FNIP1: variants seen among roughly 807,000 people sequenced by gnomAD.
FNIP1 encodes folliculin interacting protein 1.
FNIP1 carries 40 observed loss-of-function variants against 124.5 expected under a neutral mutation model. The observed-to-expected ratio is 0.32, with a 90% CI of 0.25 to 0.42. The LOEUF is 0.42. Among genes scored for constraint, FNIP1 ranks in the 10% least tolerant of loss-of-function variants. FNIP1 has a pLI of 1.00. For missense variants in FNIP1, 1,176 were observed against 1,403.7 expected (o/e 0.84, Z 2.59); for synonymous variants, 472 against 470.6 (o/e 1.00, Z -0.04).
At chr5:131,690,941 A>C (rs767690622) in intron 11 of FNIP1, among the ~76,000 whole-genome samples, 20 of 152,216 alleles carry the variant, frequency 1.3e-4, no homozygotes, top group Admixed American at 3.3e-4. Context: ...TCAGTAAATG[A>C]CGTATCCATC....
intron 11 of FNIP1, among the ~76,000 whole-genome samples, chr5:131,698,080 A>C (rs1204798517): frequency 6.6e-6 from 1 of 152,092 alleles, no homozygotes; most frequent in African/African-American, 2.4e-5. Context: ...TCCTTATAAC[A>C]ATCTATTAGA....
intron 6 of FNIP1, among the ~76,000 whole-genome samples, chr5:131,711,532 C>A (rs1333390742): frequency 6.6e-6 from 1 of 152,204 alleles, no homozygotes; most frequent in Non-Finnish European, 1.5e-5. Flanking sequence ...TTTGCTCTGT[C>A]ATGTAGGCTG....
chr5:131,697,292 C>T (rs1467108722), intron 11 of FNIP1, among the ~76,000 whole-genome samples: 1 of 152,050 alleles, frequency 6.6e-6, no homozygotes, highest in African/African-American at 2.4e-5. Flanking sequence ...TACAAATACA[C>T]ATTTATTATT....
intron 1 of FNIP1, among the ~76,000 whole-genome samples, chr5:131,791,364 A>G (rs1227784416): frequency 6.6e-6 from 1 of 152,254 alleles, no homozygotes; most frequent in Non-Finnish European, 1.5e-5. Flanking sequence ...TAAGGCTGAT[A>G]CCACCTGAAA....
intron 17 of FNIP1, 61 bp from the exon 18 acceptor site, chr5:131,644,824 C>T (rs914797705): frequency 6.6e-7 from 1 of 1,510,948 alleles, no homozygotes. Flanking sequence ...ATGAACTCTA[C>T]AGGCAATGAC....
chr5:131,792,205 G>A (rs1387594189), intron 1 of FNIP1, among the ~76,000 whole-genome samples: 3 of 147,584 alleles, frequency 2.0e-5, no homozygotes, highest in African/African-American at 7.7e-5. Context: ...TTGTTGCCCA[G>A]GGTGGAGTGC....
intron 1 of FNIP1, among the ~76,000 whole-genome samples, chr5:131,781,799 A>G (rs555620213): frequency 1.3e-5 from 2 of 152,334 alleles, no homozygotes; most frequent in East Asian, 3.9e-4. Context: ...CGGATCAAGG[A>G]GTAATTCTGA....
chr5:131,784,630 G>A (rs1372414311), intron 1 of FNIP1, among the ~76,000 whole-genome samples: 1 of 151,668 alleles, frequency 6.6e-6, no homozygotes, highest in Admixed American at 6.6e-5. Flanking sequence ...AGACCAGCCT[G>A]GGCAACAAAG....
intron 11 of FNIP1, among the ~76,000 whole-genome samples, chr5:131,680,621 T>C (rs185267827): frequency 2.0e-5 from 3 of 152,124 alleles, no homozygotes; most frequent in Non-Finnish European, 2.9e-5. Context: ...GTGCAACAAA[T>C]AGAATTAGAG....
At chr5:131,774,515 T>C (rs554910971) in intron 1 of FNIP1, among the ~76,000 whole-genome samples, 2 of 152,184 alleles carry the variant, frequency 1.3e-5, no homozygotes, top group African/African-American at 4.8e-5. Flanking sequence ...CACCCTCCCA[T>C]ACGTTCTGTA....
intron 1 of FNIP1, among the ~76,000 whole-genome samples, chr5:131,750,139 G>A (rs1770821684): frequency 6.6e-6 from 1 of 152,192 alleles, no homozygotes; most frequent in South Asian, 2.1e-4. Context: ...CTGTGCCAAG[G>A]TAAGGGTTTT....
At chr5:131,685,025 T>C (rs530213682) in intron 11 of FNIP1, among the ~76,000 whole-genome samples, 2 of 152,308 alleles carry the variant, frequency 1.3e-5, no homozygotes, top group East Asian at 1.9e-4. Flanking sequence ...TTGATTTCAA[T>C]AAATAAAATA....
chr5:131,646,874 A>G (rs1766899621), intron 17 of FNIP1, among the ~76,000 whole-genome samples: 1 of 152,232 alleles, frequency 6.6e-6, no homozygotes, highest in South Asian at 2.1e-4. Flanking sequence ...TTATATTCTC[A>G]ACCTACTGTA....
intron 6 of FNIP1, among the ~76,000 whole-genome samples, chr5:131,712,563 C>T (rs1769331689): frequency 6.6e-6 from 1 of 152,150 alleles, no homozygotes; most frequent in African/African-American, 2.4e-5. Flanking sequence ...TCCTCATCCA[C>T]AAATTAAGGA....
intron 1 of FNIP1, among the ~76,000 whole-genome samples, chr5:131,774,033 T>A (rs903546925): frequency 6.6e-6 from 1 of 152,200 alleles, no homozygotes; most frequent in Non-Finnish European, 1.5e-5. Flanking sequence ...ATTGTTTAAT[T>A]CCTTTGCATT....
Position 131,670,585 on chromosome 5 carries a change from A to G in FNIP1, c.2986T>C (p.Phe996Leu). ...TAGCCACCCAGCAAGGACCTCCCGA[A>G]GTTGGCAATGTTGGGCTGAACAGCA... The part of the protein sequence containing the change: ...VSAVQPNIAN[F>L]GRSLLGGYCS... The change falls in exon 15 of 18, where the codon TTC (phenylalanine) becomes CTC (leucine). Residue 996 changes from phenylalanine to leucine, a missense_variant. Physicochemically the swap from Phe to Leu is conservative, Grantham distance 22. This residue lies in a region of FNIP1 where 1,109 missense variants were observed against 1,288.5 expected (regional missense o/e 0.86). Transcript: ENST00000510461. 6.2e-7 allele frequency: 1 copy of G among 1,613,754 alleles called. No individual in the cohort carries two copies. The highest frequency in any genetic ancestry group is 8.5e-7 in the Non-Finnish European group (1 of 1,179,866).
intron 3 of FNIP1, among the ~76,000 whole-genome samples, chr5:131,722,446 A>C (rs1769698998): frequency 6.6e-6 from 1 of 152,222 alleles, no homozygotes; most frequent in Non-Finnish European, 1.5e-5. Flanking sequence ...ATATTTAGGA[A>C]AATTCTAATA....
Position 131,751,341 on chromosome 5 carries a change from C to T in FNIP1, c.93-6651G>A, listed in dbSNP as rs77224063. 4.6e-3 allele frequency among the ~76,000 whole-genome samples: 707 copies of T among 152,154 alleles called. 8 individuals are homozygous for T. Among genetic ancestry groups the T allele is most frequent in the African/African-American group, 0.016 (671 of 41,502 alleles). On this transcript the variant is annotated intron_variant, in intron 1 of 17. Transcript: ENST00000510461. ...AGTTAGCTACTGAGTTTTGGGATTA[C>T]ACTTTACCTTAGATTATAAATCTAA...
chr5:131,751,981 G>A (rs1414381044), intron 1 of FNIP1, among the ~76,000 whole-genome samples: 1 of 152,120 alleles, frequency 6.6e-6, no homozygotes, highest in African/African-American at 2.4e-5. Context: ...TAGATTTTAT[G>A]GAATGTGAAG....
Sources: gnomAD v4.1 joint callset for allele counts (sites outside exome capture counted in the v4.1 genomes callset) on GRCh38, gnomAD v4.1.1 for gene constraint, gnomAD v4.1.1 regional missense constraint, MANE v1.5 for transcripts, NCBI Gene and HGNC (gene_info 2026-07-23, HGNC 2026-07-21) for gene names.